Variants in PRELID2 observed in about 807,000 individuals in gnomAD.
The protein encoded by PRELID2 is PRELI domain containing 2, also known as PRELI domain-containing protein 2.
PRELID2 carries 25 observed loss-of-function variants against 28.4 expected under a neutral mutation model. The observed-to-expected ratio is 0.88, with a 90% CI of 0.64 to 1.23. The LOEUF (loss-of-function observed/expected upper bound fraction) is 1.23, where lower values mean the gene tolerates loss of function less well. Ranked by LOEUF, PRELID2 falls within the 50% of genes most tolerant of loss-of-function variation. The pLI is 0.00. For synonymous variants in PRELID2, 76 were observed against 71.6 expected (o/e 1.06, Z -0.31); for missense variants, 201 against 214.4 (o/e 0.94, Z 0.39).
chr5:145,425,191 T>C, the PRELID2 span, among the ~76,000 whole-genome samples: 2 of 152,030 alleles, frequency 1.3e-5, no homozygotes, highest in East Asian at 3.9e-4. Flanking sequence ...GAAATGCAAA[T>C]CAAAACCACA....
the PRELID2 span, among the ~76,000 whole-genome samples, chr5:145,270,128 T>C: frequency 6.6e-6 from 1 of 151,824 alleles, no homozygotes; most frequent in Non-Finnish European, 1.5e-5. Flanking sequence ...CTGTCATACA[T>C]TGTTGGGAGG....
chr5:145,304,515 T>C, the PRELID2 span, among the ~76,000 whole-genome samples: 1 of 152,164 alleles, frequency 6.6e-6, no homozygotes, highest in East Asian at 1.9e-4. Flanking sequence ...AATTTTGAGG[T>C]GAGGTTAATC....
At chr5:145,395,082 G>T in the PRELID2 span, among the ~76,000 whole-genome samples, 1 of 151,976 alleles carries the variant, frequency 6.6e-6, no homozygotes, top group Admixed American at 6.6e-5. Flanking sequence ...AATATTTATT[G>T]TACACTTACT....
At chr5:145,817,812 T>C (rs983725189) in intron 4 of PRELID2, 82 bp downstream of exon 4, 20 of 1,198,492 alleles carry the variant, frequency 1.7e-5, no homozygotes, top group Non-Finnish European at 1.8e-5. Flanking sequence ...GTCATAAGTA[T>C]AGAACCATAG....
At chr5:145,609,389 G>A (rs555802374) in intron 1 of PRELID2, among the ~76,000 whole-genome samples, 10 of 152,236 alleles carry the variant, frequency 6.6e-5, no homozygotes, top group South Asian at 2.1e-4. Flanking sequence ...TCCTCTAGTC[G>A]CTCCTGGGTC....
chr5:145,559,914 T>A (rs1752912587), intron 1 of PRELID2, among the ~76,000 whole-genome samples: 2 of 151,546 alleles, frequency 1.3e-5, no homozygotes, highest in Admixed American at 1.3e-4. Context: ...GACACTAACA[T>A]ACAGATGCTC....
intron 1 of PRELID2, among the ~76,000 whole-genome samples, chr5:145,657,140 G>T: frequency 6.6e-6 from 1 of 152,098 alleles, no homozygotes; most frequent in Middle Eastern, 3.4e-3. Flanking sequence ...GGAAGGAAAT[G>T]GGTCAAACAG....
chr5:145,766,187 G>A (rs920982474), intron 5 of PRELID2, among the ~76,000 whole-genome samples: 2 of 152,140 alleles, frequency 1.3e-5, no homozygotes, highest in Non-Finnish European at 2.9e-5. Flanking sequence ...TGGATCCATG[G>A]GAAAGGGAGC....
intron 4 of PRELID2, among the ~76,000 whole-genome samples, chr5:145,798,266 C>T (rs966920846): frequency 5.9e-5 from 9 of 152,096 alleles, no homozygotes; most frequent in African/African-American, 2.2e-4. Context: ...ATCCACATTA[C>T]GGGAATCTCA....
chr5:145,358,812 G>A, the PRELID2 span, among the ~76,000 whole-genome samples: 2 of 152,146 alleles, frequency 1.3e-5, no homozygotes, highest in Non-Finnish European at 2.9e-5. Flanking sequence ...ATCATGATTG[G>A]CAAATTCAAA....
chr5:145,676,336 G>A (rs916128124), intron 1 of PRELID2, among the ~76,000 whole-genome samples: 6 of 151,954 alleles, frequency 3.9e-5, no homozygotes, highest in African/African-American at 1.2e-4. Context: ...TCAGGAGTTC[G>A]AGACCAGCCT....
intron 4 of PRELID2, among the ~76,000 whole-genome samples, chr5:145,811,226 C>T (rs554811659): frequency 6.6e-6 from 1 of 151,796 alleles, no homozygotes; most frequent in African/African-American, 2.4e-5. Context: ...AATTGCCTCC[C>T]ACTGGGTCCT....
chr5:145,832,444 C>T (rs1302824604), intron 1 of PRELID2, among the ~76,000 whole-genome samples: 3 of 152,174 alleles, frequency 2.0e-5, no homozygotes, highest in Non-Finnish European at 4.4e-5. Context: ...CTCGGCCTCC[C>T]AAAGTGCTGG....
chr5:145,412,886 G>C, the PRELID2 span, among the ~76,000 whole-genome samples: 1 of 152,144 alleles, frequency 6.6e-6, no homozygotes, highest in Non-Finnish European at 1.5e-5. Context: ...GACAGAATGA[G>C]TGCTGAGCAA....
the PRELID2 span, among the ~76,000 whole-genome samples, chr5:145,428,293 G>A: frequency 6.6e-6 from 1 of 152,064 alleles, no homozygotes; most frequent in Non-Finnish European, 1.5e-5. Flanking sequence ...TGGTGCCACA[G>A]GCTATTTGAG....
chr5:145,514,581 C>T (rs1279186029), intron 1 of PRELID2, among the ~76,000 whole-genome samples: 2 of 152,110 alleles, frequency 1.3e-5, no homozygotes, highest in South Asian at 2.1e-4. Context: ...CAATATTAGA[C>T]AGATCAACAA....
In PRELID2 at chr5:145,517,533, A is replaced by G. The variant is rs1041035203; in HGVS notation, n.71-44218T>C. Reference sequence around the variant, plus strand: ...GAGATATATATAGGAACAATTTTACACTGTTGGTGGGAGTGGAAATTAATT... The same window carrying G: ...GAGATATATATAGGAACAATTTTACGCTGTTGGTGGGAGTGGAAATTAATT... On this transcript the variant is annotated intron_variant and non_coding_transcript_variant, in intron 1 of 2. Coordinates refer to the PRELID2 transcript ENST00000510259. 3.3e-5 allele frequency among the ~76,000 whole-genome samples: 5 copies of G among 152,304 alleles called. No homozygotes were observed. The East Asian group carries it at 7.7e-4, about 24-fold the overall frequency.
At chr5:145,432,121 G>A in the PRELID2 span, among the ~76,000 whole-genome samples, 1 of 152,096 alleles carries the variant, frequency 6.6e-6, no homozygotes, top group Admixed American at 6.6e-5. Context: ...TAAAAAGCTT[G>A]TAGTAGTAAA....
At chr5:145,356,725 G>T in the PRELID2 span, among the ~76,000 whole-genome samples, 3 of 152,078 alleles carry the variant, frequency 2.0e-5, no homozygotes, top group Admixed American at 2.0e-4. Context: ...TTGCCACTCT[G>T]TGCCTTTTAA....
Sources: allele counts gnomAD v4.1 joint callset (sites outside exome capture counted in the v4.1 genomes callset), GRCh38; gene constraint gnomAD v4.1.1; transcripts MANE v1.5; gene names NCBI Gene and HGNC (gene_info 2026-07-23, HGNC 2026-07-21).